The following FCF1 variants were observed in gnomAD, a reference collection of about 807,000 sequenced individuals.
FCF1 encodes the protein FCF1 rRNA-processing protein, also known as rRNA-processing protein FCF1 homolog.
Under a neutral mutation model 32.5 loss-of-function variants are expected in FCF1, and 17 were observed. The observed-to-expected ratio is 0.52, with a 90% CI of 0.36 to 0.78. The LOEUF (loss-of-function observed/expected upper bound fraction) is 0.78, where lower values mean the gene tolerates loss of function less well. Among genes scored for constraint, FCF1 ranks in the 30% least tolerant of loss-of-function variants. The probability of loss-of-function intolerance (pLI) is 0.00; values close to 1 mark genes in which losing one functional copy is unlikely to be tolerated. For missense variants in FCF1, 201 were observed against 241.1 expected, an observed-to-expected ratio of 0.83 and a Z score of 1.10; for synonymous variants, 84 against 78.4, an observed-to-expected ratio of 1.07 and a Z score of -0.38.
In FCF1 at chr14:74,714,916, A is replaced by G; in HGVS notation, c.116A>G (p.Asp39Gly). 6.3e-7 allele frequency: 1 copy of G among 1,597,990 alleles called. No individual in the cohort carries two copies. Among genetic ancestry groups the G allele is most frequent in the Non-Finnish European group, 8.5e-7 (1 of 1,174,674 alleles). Residue 39 changes from aspartate (D) to glycine (G), a missense_variant, in exon 3 of 8, where the codon GAT (aspartate) becomes GGT (glycine). Transcript: ENST00000341162. ...RLKPKKKEKK[D>G]PSALKEREVP... ...AAACCTAAAAAGAAAGAAAAGAAGGATCCCAGCGCATTAAAGGAAAGAGAA... is the reference window on the plus strand; with the variant it reads ...AAACCTAAAAAGAAAGAAAAGAAGGGTCCCAGCGCATTAAAGGAAAGAGAA...
chr14:74,716,381 A>T (rs2090420575), intron 4 of FCF1, among the ~76,000 whole-genome samples: 1 of 152,204 alleles, frequency 6.6e-6, no homozygotes. Flanking sequence ...AGAATTCTAG[A>T]TTTTAAAATT....
chr14:74,727,129 G>A (rs1343178831), intron 5 of FCF1, among the ~76,000 whole-genome samples: 1 of 152,106 alleles, frequency 6.6e-6, no homozygotes, highest in African/African-American at 2.4e-5. Context: ...TCCAGTAATG[G>A]GATGGCTGGG....
intron 7 of FCF1, 49 bp downstream of exon 7, chr14:74,734,219 A>G (rs767835070): frequency 2.8e-6 from 3 of 1,079,274 alleles, no homozygotes; most frequent in Non-Finnish European, 4.3e-6. Flanking sequence ...AATTGATATC[A>G]ATTGAAAATG....
rs1566724927 is a variant in FCF1, at chr14:74,738,114, C to CT, written c.*3185dup. On this transcript the variant is annotated 3_prime_UTR_variant, in exon 8 of 8. Transcript: ENST00000341162. The stretch of plus-strand genomic sequence containing the variant: ...TTTTTTTTTGAGACAGTTTCTCACT[C>CT]TGTCACCCAGGCTGCAGTGCGTTGG... 1 of 150,294 alleles carries CT rather than the reference C, an allele frequency of 6.7e-6. No homozygotes were observed. Among genetic ancestry groups the CT allele is most frequent in the African/African-American group, 2.5e-5 (1 of 40,816 alleles). The allele number at this position is 150,294 out of a possible 1,614,324, so 9.3% of individuals were successfully genotyped here.
In FCF1 at chr14:74,713,152, A is replaced by G. The variant is rs1040308243; in HGVS notation, c.-46A>G. On this transcript the variant is annotated 5_prime_UTR_variant, in exon 1 of 8. Coordinates refer to ENST00000341162, the MANE Select transcript of FCF1 (RefSeq NM_015962.5). ...AGCAGTATGTGAATGACGTAGAAGT[A>G]TTGCGCCGTTGGTGATTACGGAAGA... 6.2e-7 allele frequency: 1 copy of G among 1,614,104 alleles called. No homozygotes were observed. The highest frequency in any genetic ancestry group is 1.1e-5 in the South Asian group (1 of 91,076).
At chr14:74,732,200 TTAGTG>T (rs2090647659) in intron 5 of FCF1, among the ~76,000 whole-genome samples, 1 of 152,044 alleles carries the variant, frequency 6.6e-6, no homozygotes, top group South Asian at 2.1e-4. Flanking sequence ...ATTCAACAGT[TTAGTG>T]TAGGTCCTTC....
At chr14:74,726,243 T>C (rs958946968) in intron 5 of FCF1, among the ~76,000 whole-genome samples, 8 of 151,724 alleles carry the variant, frequency 5.3e-5, no homozygotes, top group African/African-American at 1.2e-4. Context: ...CCCAGCAGTA[T>C]TGGGAGCCCG....
intron 4 of FCF1, among the ~76,000 whole-genome samples, chr14:74,719,170 C>T (rs1487422885): frequency 6.8e-6 from 1 of 147,174 alleles, no homozygotes; most frequent in African/African-American, 2.5e-5. Flanking sequence ...TCGTGGCATG[C>T]ACCTGTGGTC....
Position 74,734,941 on chromosome 14 carries a change from A to T in FCF1, c.*11A>T, listed in dbSNP as rs141595537. On this transcript the variant is annotated 3_prime_UTR_variant, in exon 8 of 8. Transcript: ENST00000341162. ...GCCCCTCGATTCTAATTCTTACAAG[A>T]CACAGTTCCTCTGCCTTTCTTCGAC... is the stretch of plus-strand genomic sequence containing the variant. 6,364 of 1,610,964 alleles carry T rather than the reference A, an allele frequency of 4.0e-3. 105 individuals carry two copies. Among genetic ancestry groups the T allele is most frequent in the Middle Eastern group, 0.022 (132 of 6,054 alleles).
At chr14:74,724,482 C>G (rs909821050) in intron 5 of FCF1, among the ~76,000 whole-genome samples, 10 of 152,162 alleles carry the variant, frequency 6.6e-5, no homozygotes, top group African/African-American at 2.2e-4. Context: ...GATGAGGTCT[C>G]ACCATGTTGC....
intron 4 of FCF1, among the ~76,000 whole-genome samples, chr14:74,717,631 C>A (rs892098096): frequency 4.6e-5 from 7 of 152,176 alleles, no homozygotes; most frequent in African/African-American, 1.7e-4. Context: ...GCTTGGGTGA[C>A]CCCATATGGG....
chr14:74,719,650 A>G (rs2090474109), intron 4 of FCF1, among the ~76,000 whole-genome samples: 1 of 150,808 alleles, frequency 6.6e-6, no homozygotes, highest in African/African-American at 2.4e-5. Context: ...CTATGGTCCC[A>G]GCTGCTTGGG....
At chr14:74,734,770 GACAAAAAGGATTC>G in intron 7 of FCF1, 99 bp from the exon 8 acceptor site, 2 of 814,958 alleles carry the variant, frequency 2.5e-6, no homozygotes, top group Admixed American at 4.2e-5. Flanking sequence ...TGTTTCCACT[GACAAAAAGGATTC>G]ACAGTGGGGG....
chr14:74,719,481 C>T (rs535015260), intron 4 of FCF1, among the ~76,000 whole-genome samples: 1 of 151,754 alleles, frequency 6.6e-6, no homozygotes, highest in Non-Finnish European at 1.5e-5. Flanking sequence ...TTAAATCAAG[C>T]TGGGCATGGT....
At chr14:74,728,255 T>C (rs1022347351) in intron 5 of FCF1, among the ~76,000 whole-genome samples, 1 of 152,226 alleles carries the variant, frequency 6.6e-6, no homozygotes. Flanking sequence ...GTTCTTCCAT[T>C]TGTTTGTGTC....
chr14:74,734,982 G>T lies in FCF1; in HGVS notation c.*52G>T. ...TTTCTTCGACCAACTTTCTCTTGTTGCCAGTTCATTACACAAAATGTAGCG... is the reference window on the plus strand; with the variant it reads ...TTTCTTCGACCAACTTTCTCTTGTTTCCAGTTCATTACACAAAATGTAGCG... On this transcript the variant is annotated 3_prime_UTR_variant, in exon 8 of 8. Coordinates refer to ENST00000341162, the MANE Select transcript of FCF1 (RefSeq NM_015962.5). The T allele has an allele frequency of 1.4e-6, 2 of 1,443,488 alleles. No individual in the cohort carries two copies. Among genetic ancestry groups the T allele is most frequent in the Non-Finnish European group, 2.0e-6 (2 of 1,024,854 alleles). 89.4% of individuals were successfully genotyped at this position (1,443,488 alleles called of 1,614,324 possible).
At chr14:74,715,871 A>G (rs2090411563) in intron 3 of FCF1, 80 bp from the exon 4 acceptor site, 4 of 1,608,262 alleles carry the variant, frequency 2.5e-6, no homozygotes, top group African/African-American at 2.7e-5. Flanking sequence ...AACAGTCCCA[A>G]GCAGACTTCT....
At chr14:74,718,855 C>A (rs1039166480) in intron 4 of FCF1, among the ~76,000 whole-genome samples, 28 of 151,982 alleles carry the variant, frequency 1.8e-4, no homozygotes, top group Admixed American at 1.6e-3. Context: ...CATGTCTACA[C>A]ATAATTTAAA....
chr14:74,718,256 T>C (rs1157095559), intron 4 of FCF1, among the ~76,000 whole-genome samples: 2 of 152,200 alleles, frequency 1.3e-5, no homozygotes, highest in African/African-American at 4.8e-5. Context: ...GTCTCTTCTA[T>C]TTCCACTTTA....
Sources: allele counts gnomAD v4.1 joint callset (sites outside exome capture counted in the v4.1 genomes callset), GRCh38; gene constraint gnomAD v4.1.1; transcripts MANE v1.5; gene names NCBI Gene and HGNC (gene_info 2026-07-23, HGNC 2026-07-21).